PKP4: variants seen among roughly 807,000 people sequenced by gnomAD.
PKP4 encodes plakophilin-4.
In PKP4, 90 loss-of-function variants were observed where a neutral mutation model predicts 145.1. The ratio of observed to expected loss-of-function variants is 0.62; its 90% CI spans 0.52 to 0.74. The LOEUF is 0.74. PKP4 is among the 30% of genes least tolerant of loss of function. The probability of loss-of-function intolerance (pLI) is 0.00; values close to 1 mark genes in which losing one functional copy is unlikely to be tolerated. For missense variants in PKP4, 1,340 were observed against 1,482.7 expected, an observed-to-expected ratio of 0.90 and a Z score of 1.58; for synonymous variants, 563 against 577.2, an observed-to-expected ratio of 0.98 and a Z score of 0.35.
chr2:158,638,288 T>A (rs1448041343), intron 9 of PKP4, among the ~76,000 whole-genome samples: 1 of 152,222 alleles, frequency 6.6e-6, no homozygotes, highest in African/African-American at 2.4e-5. Flanking sequence ...TAAAAGTATA[T>A]AAAATATTTT....
chr2:158,478,121 C>T (rs1692779905), intron 1 of PKP4, among the ~76,000 whole-genome samples: 1 of 151,970 alleles, frequency 6.6e-6, no homozygotes, highest in African/African-American at 2.4e-5. Flanking sequence ...TGGTTTGAAG[C>T]TTAATGTTAA....
At chr2:158,665,254 G>C (rs1382163057) in intron 15 of PKP4, among the ~76,000 whole-genome samples, 1 of 152,174 alleles carries the variant, frequency 6.6e-6, no homozygotes, top group Non-Finnish European at 1.5e-5. Context: ...TGTTGTTGCA[G>C]GTTTCAGAGA....
chr2:158,661,291 C>T, intron 12 of PKP4, 42 bp from the exon 13 acceptor site: 1 of 1,403,242 alleles, frequency 7.1e-7, no homozygotes, highest in Non-Finnish European at 1.0e-6. Context: ...CTGATGAGTG[C>T]ATGGTTCATC....
At chr2:158,622,199 A>C (rs2052328765) in intron 6 of PKP4, among the ~76,000 whole-genome samples, 1 of 152,210 alleles carries the variant, frequency 6.6e-6, no homozygotes, top group Non-Finnish European at 1.5e-5. Context: ...CTCTAAAACT[A>C]CATTTCTTTT....
intron 7 of PKP4, among the ~76,000 whole-genome samples, chr2:158,630,783 A>G (rs2053268349): frequency 1.3e-5 from 2 of 152,272 alleles, no homozygotes; most frequent in South Asian, 4.1e-4. Context: ...TAAAGTGAAA[A>G]TGATATAATA....
intron 2 of PKP4, among the ~76,000 whole-genome samples, chr2:158,540,418 T>C (rs1184180236): frequency 2.0e-5 from 3 of 152,184 alleles, no homozygotes; most frequent in African/African-American, 7.2e-5. Flanking sequence ...TAGATTAAGC[T>C]TGCTTTTAAT....
At chr2:158,642,833 G>A in intron 11 of PKP4, 134 bp downstream of exon 11, 1 of 521,450 alleles carries the variant, frequency 1.9e-6, no homozygotes, top group Middle Eastern at 2.9e-4. Context: ...GCTCACAACT[G>A]TGAAGGCTGA....
rs2050367620 is a variant in PKP4 at position 158,603,183 on chromosome 2, G to A, written c.280+79G>A. The A allele has an allele frequency of 7.7e-6, 6 of 778,496 alleles. No homozygotes were observed. The South Asian group carries it at 1.1e-4, about 14-fold the overall frequency. 48.2% of individuals were successfully genotyped at this position (778,496 alleles called of 1,614,324 possible). ...TACTCTCTTAACTTACTATCTCTTG[G>A]TGAAATAAGCCAAGCAAAGCCTTTA... On this transcript the variant is annotated intron_variant, in intron 4 of 21. Transcript: ENST00000389759.
intron 1 of PKP4, among the ~76,000 whole-genome samples, chr2:158,524,197 GA>G: frequency 8.7e-6 from 1 of 115,356 alleles, no homozygotes; most frequent in East Asian, 2.5e-4. Flanking sequence ...CACCAAAGTT[GA>G]AATGAAGGAA....
At chr2:158,631,682 A>T in intron 7 of PKP4, 71 bp from the exon 8 acceptor site, 1 of 1,316,606 alleles carries the variant, frequency 7.6e-7, no homozygotes, top group Non-Finnish European at 1.1e-6. Context: ...TTAGGAATTT[A>T]ATTAGGGTTT....
chr2:158,523,237 C>T (rs1184908592), intron 1 of PKP4, among the ~76,000 whole-genome samples: 1 of 149,474 alleles, frequency 6.7e-6, no homozygotes, highest in Non-Finnish European at 1.5e-5. Context: ...CCCTGTCTGA[C>T]AGCTTTGAAG....
chr2:158,633,731 C>A (rs2053583668), intron 8 of PKP4, among the ~76,000 whole-genome samples: 1 of 152,150 alleles, frequency 6.6e-6, no homozygotes, highest in Non-Finnish European at 1.5e-5. Flanking sequence ...GTTTTTACCA[C>A]TAGAATGAAA....
At chr2:158,577,149 C>T in intron 2 of PKP4, 122 bp from the exon 3 acceptor site, 1 of 543,414 alleles carries the variant, frequency 1.8e-6, no homozygotes, top group Non-Finnish European at 3.2e-6. Context: ...TTTCACAAAG[C>T]CACACCATAG....
intron 9 of PKP4, 134 bp downstream of exon 9, chr2:158,634,423 CTTCCAGTTGTA>C (rs2053644298): frequency 8.2e-6 from 5 of 611,208 alleles, no homozygotes; most frequent in African/African-American, 1.8e-5. Flanking sequence ...TATATTAATA[CTTCCAGTTGTA>C]TTCCAGCTAT....
chr2:158,531,221 T>C (rs1478106569), intron 1 of PKP4, among the ~76,000 whole-genome samples: 3 of 152,222 alleles, frequency 2.0e-5, no homozygotes, highest in Admixed American at 2.0e-4. Context: ...AATAAATAAT[T>C]ACTTCCCCAG....
chr2:158,667,039 CT>C (rs35006491), intron 16 of PKP4, among the ~76,000 whole-genome samples: 68,380 of 152,012 alleles, frequency 0.45, 16,565 homozygotes, highest in South Asian at 0.66. Context: ...CATTTCCACC[CT>C]GGGCAGGGGC....
intron 1 of PKP4, chr2:158,457,562 C>G (rs555351857): frequency 1.3e-5 from 2 of 152,424 alleles, no homozygotes; most frequent in African/African-American, 4.8e-5. Flanking sequence ...AACTTGAGCG[C>G]CGCGCTGAGC....
At chr2:158,521,113 G>T (rs1162647983) in intron 1 of PKP4, among the ~76,000 whole-genome samples, 1 of 152,108 alleles carries the variant, frequency 6.6e-6, no homozygotes, top group Non-Finnish European at 1.5e-5. Flanking sequence ...GGAATTACAG[G>T]ACTACAGAGT....
chr2:158,558,283 CTAT>C (rs1458149033), intron 2 of PKP4, among the ~76,000 whole-genome samples: 4 of 152,188 alleles, frequency 2.6e-5, no homozygotes, highest in Non-Finnish European at 4.4e-5. Context: ...GCTACTATCA[CTAT>C]TATTATTGAG....
Sources: allele counts gnomAD v4.1 joint callset (sites outside exome capture counted in the v4.1 genomes callset), GRCh38; gene constraint gnomAD v4.1.1; transcripts MANE v1.5; gene names NCBI Gene and HGNC (gene_info 2026-07-23, HGNC 2026-07-21).